STMN3: variants seen among roughly 807,000 people sequenced by gnomAD.
STMN3 encodes stathmin-3.
Under a neutral mutation model 23.2 loss-of-function variants are expected in STMN3, and 24 were observed. The observed-to-expected ratio is 1.03, with a 90% CI of 0.75 to 1.45. The LOEUF is 1.45. Ranked by LOEUF, STMN3 falls within the 40% of genes most tolerant of loss-of-function variation. The pLI is 0.00. For missense variants in STMN3, 235 were observed against 237.6 expected (o/e 0.99, Z 0.07); for synonymous variants, 117 against 103.4 (o/e 1.13, Z -0.80).
chr20:63,653,414 G>A lies in STMN3; in HGVS notation c.-69C>T, dbSNP rs547723858. 5.3e-6 allele frequency: 8 copies of A among 1,500,538 alleles called. No homozygotes were observed. In the East Asian group the frequency reaches 1.6e-4, roughly 30 times the overall value. 93.0% of individuals were successfully genotyped at this position (1,500,538 alleles called of 1,614,324 possible). Reference sequence around the variant, plus strand: ...GTGGCGGCCGGAGCTGCAGACGGCTGGTGCTGCAGTGCCGGGGAGGGGAGG... The same window carrying A: ...GTGGCGGCCGGAGCTGCAGACGGCTAGTGCTGCAGTGCCGGGGAGGGGAGG... On this transcript the variant is annotated 5_prime_UTR_variant, in exon 1 of 5. Coordinates refer to ENST00000370053, the MANE Select transcript of STMN3 (RefSeq NM_015894.4).
intron 1 of STMN3, among the ~76,000 whole-genome samples, chr20:63,649,819 C>T (rs1462813199): frequency 3.4e-5 from 5 of 146,902 alleles, no homozygotes; most frequent in South Asian, 2.2e-4. Context: ...TGTGAGCCAC[C>T]GCGCCTGGAC....
intron 3 of STMN3, 127 bp downstream of exon 3, chr20:63,643,629 G>C (rs953772917): frequency 4.4e-6 from 6 of 1,373,164 alleles, no homozygotes; most frequent in Middle Eastern, 2.7e-4. Flanking sequence ...GGGAGCCACA[G>C]CCCCTCCTGC....
chr20:63,647,958 A>ATATG (rs1555897531), intron 1 of STMN3, among the ~76,000 whole-genome samples: 5 of 74,582 alleles, frequency 6.7e-5, no homozygotes, highest in South Asian at 8.1e-4. Context: ...GTATATATAT[A>ATATG]TGTATATATA....
chr20:63,650,125 G>GC (rs1274075113), intron 1 of STMN3, among the ~76,000 whole-genome samples: 1 of 106,350 alleles, frequency 9.4e-6, no homozygotes, highest in African/African-American at 3.8e-5. Context: ...CCCGCGCCTG[G>GC]CCCCCCGCAG....
intron 1 of STMN3, among the ~76,000 whole-genome samples, chr20:63,651,920 C>G (rs2089862035): frequency 6.6e-6 from 1 of 152,116 alleles, no homozygotes; most frequent in Non-Finnish European, 1.5e-5. Flanking sequence ...GAGGGACCGT[C>G]AGGGAAAGGC....
intron 4 of STMN3, 73 bp from the exon 5 acceptor site, chr20:63,641,470 A>G: frequency 7.5e-7 from 1 of 1,331,488 alleles, no homozygotes; most frequent in Non-Finnish European, 1.0e-6. Context: ...CCAGGCGCGC[A>G]GGCCGTGGCG....
intron 1 of STMN3, among the ~76,000 whole-genome samples, chr20:63,647,820 T>C (rs1050083407): frequency 2.3e-5 from 3 of 128,054 alleles, no homozygotes; most frequent in African/African-American, 8.3e-5. Flanking sequence ...CGTGTATATA[T>C]AATATATATA....
At position 63,643,865 on chromosome 20, in the gene STMN3, G is replaced by A. The variant is rs201304064; in HGVS notation, c.182C>T (p.Pro61Leu). Residue 61 changes from proline (P) to leucine (L), a missense_variant, in exon 3 of 5, where the codon CCT becomes CTT. Coordinates refer to ENST00000370053, the MANE Select transcript of STMN3 (RefSeq NM_015894.4). Reference protein sequence around the residue: ...GQSFEVILKSPSDLSPESPML... With the variant: ...GQSFEVILKSLSDLSPESPML... ...AGGGCTCTCTGGGGACAGGTCAGAA[G>A]GGGACTTGAGGATGACCTCGAAGCT... The A allele has an allele frequency of 6.9e-6, 11 of 1,589,532 alleles. No homozygotes were observed. Among genetic ancestry groups the A allele is most frequent in the Non-Finnish European group, 9.4e-6 (11 of 1,173,790 alleles).
chr20:63,641,620 C>A (rs1233384739), intron 4 of STMN3, among the ~76,000 whole-genome samples: 4 of 152,202 alleles, frequency 2.6e-5, no homozygotes, highest in Non-Finnish European at 5.9e-5. Context: ...GGCCCCGCTT[C>A]TAGCTCGTAC....
At chr20:63,642,429 T>C (rs892416455) in intron 3 of STMN3, 130 bp from the exon 4 acceptor site, 1 of 393,486 alleles carries the variant, frequency 2.5e-6, no homozygotes, top group Non-Finnish European at 4.3e-6. Flanking sequence ...CAGGCCTCGG[T>C]GGGCGCCGGG....
chr20:63,650,494 C>T (rs1390972876), intron 1 of STMN3, among the ~76,000 whole-genome samples: 7 of 129,194 alleles, frequency 5.4e-5, no homozygotes, highest in Admixed American at 5.3e-4. Flanking sequence ...TCACGCCCAC[C>T]CCTCCCGCCG....
At position 63,649,115 on chromosome 20, in the gene STMN3, G is replaced by T. The variant is rs533521711; in HGVS notation, c.19+4212C>A. On this transcript the variant is annotated intron_variant, in intron 1 of 4. Coordinates refer to ENST00000370053, the MANE Select transcript of STMN3 (RefSeq NM_015894.4). The stretch of plus-strand genomic sequence containing the variant: ...ATCTGATGGCCACGGAGACCCCCTG[G>T]CTTGGCTTCTCCCAGCTGGTGGCCC... Among the ~76,000 whole-genome samples the T allele has an allele frequency of 1.1e-4, 17 of 152,252 alleles. No homozygotes were observed. In the South Asian group the frequency reaches 3.3e-3, roughly 30 times the overall value.
intron 1 of STMN3, among the ~76,000 whole-genome samples, chr20:63,647,625 CACAA>C (rs1485294447): frequency 6.4e-5 from 9 of 141,260 alleles, no homozygotes; most frequent in African/African-American, 1.6e-4. Flanking sequence ...CAAAAACAAA[CACAA>C]ACAAACATAT....
At position 63,652,506 on chromosome 20, in the gene STMN3, G is replaced by GGGCCTGCGCCCGCCCC. The variant is rs1349465788; in HGVS notation, c.19+805_19+820dup. The GGGCCTGCGCCCGCCCC allele has an allele frequency of 6.5e-6, 6 of 923,310 alleles. No homozygotes were observed. The East Asian group carries it at 4.7e-4, about 73-fold the overall frequency. The allele number at this position is 923,310 out of a possible 1,614,324, so 57.2% of individuals were successfully genotyped here. On this transcript the variant is annotated intron_variant, in intron 1 of 4. Coordinates refer to ENST00000370053, the MANE Select transcript of STMN3 (RefSeq NM_015894.4). The surrounding 1 kb of genome is among the most constrained non-coding windows in gnomAD (Gnocchi z 5.3). ...TGCGTCCAGAATCCGCCCCCCGCCC[G>GGGCCTGCGCCCGCCCC]GGCCTGCGCCCGCCCCTCCGCCTGA...
intron 1 of STMN3, among the ~76,000 whole-genome samples, chr20:63,645,780 C>T (rs1367627704): frequency 6.6e-6 from 1 of 152,120 alleles, no homozygotes; most frequent in East Asian, 1.9e-4. Flanking sequence ...TGGTGAAACC[C>T]GATCTCTACT....
At position 63,652,456 on chromosome 20, in the gene STMN3, G is replaced by T; in HGVS notation, c.19+871C>A. 2 of 594,438 alleles carry T rather than the reference G, an allele frequency of 3.4e-6. No homozygotes were observed. The highest frequency in any genetic ancestry group is 4.2e-6 in the Non-Finnish European group (2 of 472,104). 36.8% of individuals were successfully genotyped at this position (594,438 alleles called of 1,614,324 possible). On this transcript the variant is annotated intron_variant, in intron 1 of 4. Coordinates refer to ENST00000370053, the MANE Select transcript of STMN3 (RefSeq NM_015894.4). The surrounding 1 kb of genome is among the most constrained non-coding windows in gnomAD (Gnocchi z 5.3). ...GGAAGGGCGGGCCCAGCGTCCTCGC[G>T]CCCGAGGTCGCCCGGCAGCTCCCCT...
intron 1 of STMN3, among the ~76,000 whole-genome samples, chr20:63,646,046 A>C (rs1284343856): frequency 2.0e-5 from 3 of 152,094 alleles, no homozygotes; most frequent in Non-Finnish European, 2.9e-5. Flanking sequence ...ACAAGGCAGA[A>C]GTAATCAAGC....
chr20:63,653,022 C>T (rs2089872654), intron 1 of STMN3, among the ~76,000 whole-genome samples: 1 of 151,942 alleles, frequency 6.6e-6, no homozygotes, highest in Admixed American at 6.6e-5. Context: ...AGCCCACGCC[C>T]GGGTCTGGGA....
chr20:63,652,483 C>T lies in STMN3; in HGVS notation c.19+844G>A. On this transcript the variant is annotated intron_variant, in intron 1 of 4. Coordinates refer to ENST00000370053, the MANE Select transcript of STMN3 (RefSeq NM_015894.4). The surrounding 1 kb of genome is among the most constrained non-coding windows in gnomAD (Gnocchi z 5.3). ...CCGAGGTCGCCCGGCAGCTCCCCTG[C>T]GTCCAGAATCCGCCCCCCGCCCGGG... The T allele has an allele frequency of 3.7e-6, 3 of 809,112 alleles. No individual in the cohort carries two copies. Among genetic ancestry groups the T allele is most frequent in the Non-Finnish European group, 4.5e-6 (3 of 668,778 alleles). 50.1% of individuals were successfully genotyped at this position (809,112 alleles called of 1,614,324 possible).
Sources: gnomAD v4.1 joint callset for allele counts (sites outside exome capture counted in the v4.1 genomes callset) on GRCh38, gnomAD v4.1.1 for gene constraint, Gnocchi (gnomAD v3.1) non-coding constraint, MANE v1.5 for transcripts, NCBI Gene and HGNC (gene_info 2026-07-23, HGNC 2026-07-21) for gene names.